Variants in MTUS1 observed in about 807,000 individuals in gnomAD.
MTUS1 encodes microtubule associated scaffold protein 1.
Under a neutral mutation model 120.8 loss-of-function variants are expected in MTUS1, and 109 were observed. That is an observed-to-expected ratio of 0.90 (90% CI 0.77 to 1.06). The LOEUF is 1.06. MTUS1 is among the 50% of genes least tolerant of loss of function. The pLI is 0.00. For synonymous variants in MTUS1, 737 were observed against 550.5 expected (o/e 1.34, Z -4.74); for missense variants, 2,210 against 1,486.3 (o/e 1.49, Z -8.01).
chr8:17,738,589 G>C (rs1050702585), intron 3 of MTUS1, among the ~76,000 whole-genome samples: 2 of 152,092 alleles, frequency 1.3e-5, no homozygotes, highest in Non-Finnish European at 2.9e-5. Flanking sequence ...AAGTTCCGGG[G>C]TACATGTGCA....
intron 8 of MTUS1, among the ~76,000 whole-genome samples, chr8:17,662,682 A>G (rs1178457245): frequency 5.9e-5 from 9 of 151,844 alleles, no homozygotes; most frequent in Admixed American, 5.2e-4. Context: ...CCATTAGTCT[A>G]TTTTTTAAAA....
chr8:17,779,492 TCTTA>T (rs1181399453), intron 1 of MTUS1, among the ~76,000 whole-genome samples: 1 of 152,246 alleles, frequency 6.6e-6, no homozygotes, highest in Non-Finnish European at 1.5e-5. Flanking sequence ...TTGTATTTGT[TCTTA>T]CTTCTGGCTG....
rs188758861 is a variant in MTUS1 at position 17,654,454 on chromosome 8, C to A, written c.3214+107G>T. 1.5e-3 allele frequency: 1,203 copies of A among 810,238 alleles called. 3 individuals are homozygous for A. Among genetic ancestry groups the A allele is most frequent in the Middle Eastern group, 4.1e-3 (12 of 2,924 alleles). 50.2% of individuals were successfully genotyped at this position (810,238 alleles called of 1,614,324 possible). A position where few individuals can be genotyped will look rare whatever the true frequency, so the allele number is the denominator to read the frequency against. ...ACCAAGAACACCCCAGCCTGAAGGC[C>A]ACAGGGCATTCGCTGAAGCAGGAAG... On this transcript the variant is annotated intron_variant, in intron 10 of 14. Transcript: ENST00000693296.
rs779300410 is a variant in MTUS1 at position 17,645,991 on chromosome 8, C to T, written c.3748G>A (p.Ala1250Thr). Residue 1250 changes from alanine to threonine, a missense_variant, in exon 15 of 15, where the codon GCC (alanine) becomes ACC (threonine). By Grantham distance (58) the Ala-to-Thr change is moderately conservative. Coordinates refer to ENST00000693296, the MANE Select transcript of MTUS1 (RefSeq NM_001363059.2). ...TTCCTTGGTGACTGCAAAGGGATGG[C>T]GGAGGATGTGGGGGATCTCTTGGGG... ...CSPKRSPTSS[A>T]IPLQSPRNSG... The T allele has an allele frequency of 1.5e-5, 25 of 1,613,180 alleles. No individual in the cohort carries two copies. Among genetic ancestry groups the T allele is most frequent in the Admixed American group, 8.3e-5 (5 of 59,928 alleles).
rs748506316 is a variant in MTUS1, at chr8:17,655,994, C to T, written c.2977G>A (p.Val993Ile). Residue 993 changes from valine (V) to isoleucine (I), a missense_variant, in exon 9 of 15, where the codon GTC becomes ATC. Physicochemically the swap from Val to Ile is conservative, Grantham distance 29. Coordinates refer to ENST00000693296, the MANE Select transcript of MTUS1 (RefSeq NM_001363059.2). ...GTTTTTTCAGCCTGGTGCTGCTGGA[C>T]GAATGCTTCATACACTGTTTGTAAC... The part of the protein sequence containing the change: ...NELQTVYEAF[V>I]QQHQAEKTER... 97 of 1,614,218 alleles carry T rather than the reference C, an allele frequency of 6.0e-5. 1 individual carries two copies. The East Asian group carries it at 1.9e-3, about 32-fold the overall frequency.
intron 4 of MTUS1, 125 bp from the exon 5 acceptor site, chr8:17,716,026 T>G: frequency 2.4e-6 from 2 of 819,376 alleles, no homozygotes; most frequent in South Asian, 1.7e-5. Context: ...CAGTCATTAC[T>G]GAACATTGGG....
chr8:17,689,966 CGCA>C (rs1187169429), intron 6 of MTUS1, among the ~76,000 whole-genome samples: 3 of 151,826 alleles, frequency 2.0e-5, no homozygotes, highest in African/African-American at 7.3e-5. Flanking sequence ...CATTGGCCGA[CGCA>C]AGGAATTCAT....
chr8:17,667,384 A>G (rs1336595223), intron 8 of MTUS1, among the ~76,000 whole-genome samples: 1 of 152,214 alleles, frequency 6.6e-6, no homozygotes, highest in Non-Finnish European at 1.5e-5. Flanking sequence ...CTTACCTGTA[A>G]AGAGTTTAAA....
chr8:17,760,691 T>C (rs1018095118), intron 1 of MTUS1, among the ~76,000 whole-genome samples: 2 of 152,152 alleles, frequency 1.3e-5, no homozygotes, highest in African/African-American at 4.8e-5. Flanking sequence ...AAGCAAAGTC[T>C]TCATATTGCT....
chr8:17,777,404 A>G (rs1019237076), intron 1 of MTUS1, among the ~76,000 whole-genome samples: 1 of 151,062 alleles, frequency 6.6e-6, no homozygotes, highest in African/African-American at 2.4e-5. Flanking sequence ...ACACCACTGT[A>G]CTCCAGCTTG....
intron 3 of MTUS1, among the ~76,000 whole-genome samples, chr8:17,727,778 T>C (rs946835578): frequency 6.6e-6 from 1 of 152,248 alleles, no homozygotes; most frequent in African/African-American, 2.4e-5. Flanking sequence ...CTCAGTGGTT[T>C]ATTTTAAGCT....
rs761163611 is a variant in MTUS1, at chr8:17,754,268, C to T, written c.1540G>A (p.Val514Ile). 4 of 1,613,776 alleles carry T rather than the reference C, an allele frequency of 2.5e-6. No individual in the cohort carries two copies. Among genetic ancestry groups the T allele is most frequent in the African/African-American group, 1.3e-5 (1 of 74,872 alleles). The change falls in exon 2 of 15, where the codon GTT becomes ATT. Residue 514 changes from valine (V) to isoleucine (I), a missense_variant. By Grantham distance (29) the Val-to-Ile change is conservative (BLOSUM62 3). Coordinates refer to ENST00000693296, the MANE Select transcript of MTUS1 (RefSeq NM_001363059.2). ...RPNFKNVKAKVMSRAVLQPKD... is the reference protein window; with the variant it reads ...RPNFKNVKAKIMSRAVLQPKD... ...GGCTGCAACACTGCTCTAGACATAA[C>T]TTTTGCTTTGACATTCTTGAAGTTT...
At chr8:17,748,035 C>G (rs902470218) in intron 2 of MTUS1, 10 of 152,194 alleles carry the variant, frequency 6.6e-5, no homozygotes, top group Non-Finnish European at 1.5e-4. Flanking sequence ...TGGGTCCTTC[C>G]CACAACATGT....
rs538524828 is a variant in MTUS1 at position 17,694,649 on chromosome 8, C to G, written c.2624-10107G>C. Among the ~76,000 whole-genome samples, 4 of 152,008 alleles carry G rather than the reference C, an allele frequency of 2.6e-5. No homozygotes were observed. The South Asian group carries it at 8.3e-4, about 32-fold the overall frequency. On this transcript the variant is annotated intron_variant, in intron 6 of 14. Coordinates refer to ENST00000693296, the MANE Select transcript of MTUS1 (RefSeq NM_001363059.2). ...CACCAGTGCACTCCAGCCTAGGCAA[C>G]AGAGCGAGACTCCATCTAAAACAAA...
chr8:17,674,612 T>C (rs1812698048), intron 8 of MTUS1: 2 of 986,142 alleles, frequency 2.0e-6, no homozygotes, highest in Non-Finnish European at 2.4e-6. Flanking sequence ...TGTTGAGACA[T>C]GTAAACTGCA....
intron 4 of MTUS1, chr8:17,721,573 C>T: frequency 9.7e-7 from 1 of 1,033,712 alleles, no homozygotes; most frequent in Non-Finnish European, 1.3e-6. Flanking sequence ...CTTAAATATA[C>T]ATACAAAATG....
intron 1 of MTUS1, among the ~76,000 whole-genome samples, chr8:17,794,667 T>A (rs1312608595): frequency 6.6e-6 from 1 of 152,218 alleles, no homozygotes; most frequent in Admixed American, 6.5e-5. Context: ...GCAAATATGG[T>A]TCAATTCTGT....
intron 8 of MTUS1, among the ~76,000 whole-genome samples, chr8:17,671,790 C>G (rs1450996008): frequency 2.6e-5 from 4 of 152,246 alleles, no homozygotes; most frequent in African/African-American, 9.6e-5. Context: ...GAGAGTGACA[C>G]CAACTCCCAT....
At chr8:17,670,782 C>A (rs1236776138) in intron 8 of MTUS1, among the ~76,000 whole-genome samples, 1 of 151,930 alleles carries the variant, frequency 6.6e-6, no homozygotes, top group Non-Finnish European at 1.5e-5. Context: ...GAGATAGTGC[C>A]AGTGCACTCC....
Sources: allele counts gnomAD v4.1 joint callset (sites outside exome capture counted in the v4.1 genomes callset), GRCh38; gene constraint gnomAD v4.1.1; transcripts MANE v1.5; gene names NCBI Gene and HGNC (gene_info 2026-07-23, HGNC 2026-07-21).